The following ANKFY1 variants were observed in gnomAD, a reference collection of about 807,000 sequenced individuals.
The protein encoded by ANKFY1 is ankyrin repeat and FYVE domain-containing protein 1.
Under a neutral mutation model 128.3 loss-of-function variants are expected in ANKFY1, and 47 were observed. The ratio of observed to expected loss-of-function variants is 0.37; its 90% CI spans 0.29 to 0.47. The LOEUF (loss-of-function observed/expected upper bound fraction) is 0.47. ANKFY1 is among the 20% of genes least tolerant of loss of function. The pLI, the probability that ANKFY1 is intolerant of heterozygous loss-of-function variation, is 1.00. For synonymous variants in ANKFY1, 553 were observed against 601.6 expected (o/e 0.92, Z 1.18); for missense variants, 1,222 against 1,510.6 (o/e 0.81, Z 3.17).
chr17:4,180,916 GGGTCCTGCA>G (rs1268060052), intron 16 of ANKFY1: 1 of 217,200 alleles, frequency 4.6e-6, no homozygotes, highest in African/African-American at 2.2e-5. Flanking sequence ...CATCGTGGTG[GGGTCCTGCA>G]GAGACCATCT....
chr17:4,242,012 C>A (rs1297757931), intron 2 of ANKFY1, among the ~76,000 whole-genome samples: 2 of 151,458 alleles, frequency 1.3e-5, no homozygotes, highest in African/African-American at 2.4e-5. Context: ...TCACTTGAAC[C>A]TGGGAAGCAG....
In ANKFY1 at chr17:4,182,272, C is replaced by T. The variant is rs201910860; in HGVS notation, c.2030G>A (p.Arg677Gln). 809 of 1,596,328 alleles carry T rather than the reference C, an allele frequency of 5.1e-4. 1 individual carries two copies. The highest frequency in any genetic ancestry group is 6.2e-4 in the Non-Finnish European group (725 of 1,170,890). ...LPLVVDAICT[R>Q]GADMSVPDEK... ...ATCTGGCACAGACATGTCAGCTCCT[C>T]GGGTGCATATGGCATCAACTACGAG... is the stretch of plus-strand genomic sequence containing the variant. The change falls in exon 15 of 25, where the codon CGA becomes CAA. Residue 677 changes from arginine (R) to glutamine (Q), a missense_variant. Arg to Gln is a conservative substitution (Grantham distance 43). Transcript: ENST00000341657.
intron 14 of ANKFY1, among the ~76,000 whole-genome samples, chr17:4,183,165 G>T (rs2059546303): frequency 6.6e-6 from 1 of 152,174 alleles, no homozygotes; most frequent in Non-Finnish European, 1.5e-5. Context: ...GCAATACTAT[G>T]CACTGGTCCT....
intron 4 of ANKFY1, among the ~76,000 whole-genome samples, chr17:4,210,211 C>T (rs1371061766): frequency 6.6e-6 from 1 of 152,158 alleles, no homozygotes; most frequent in East Asian, 1.9e-4. Context: ...ACCCCAACTG[C>T]CTTAACAGCA....
Position 4,237,514 on chromosome 17 carries a change from T to C in ANKFY1, c.204-1624A>G, listed in dbSNP as rs544977357. Reference sequence around the variant, plus strand: ...ATAATTTTTAAATTCTATATATATTTATAAAGTATTACATCCTAATAACTT... The same window carrying C: ...ATAATTTTTAAATTCTATATATATTCATAAAGTATTACATCCTAATAACTT... On this transcript the variant is annotated intron_variant, in intron 2 of 24. Coordinates refer to ENST00000341657, the MANE Select transcript of ANKFY1 (RefSeq NM_001330063.2). Among the ~76,000 whole-genome samples the C allele has an allele frequency of 4.6e-5, 7 of 152,304 alleles. 1 individual carries two copies. In the South Asian group the frequency reaches 1.5e-3, roughly 32 times the overall value.
chr17:4,237,864 T>C (rs959138376), intron 2 of ANKFY1, among the ~76,000 whole-genome samples: 5 of 152,182 alleles, frequency 3.3e-5, no homozygotes, highest in Admixed American at 6.5e-5. Flanking sequence ...TTTTAAAACA[T>C]GGAAACCAGA....
At chr17:4,252,919 G>A (rs935410234) in intron 1 of ANKFY1, among the ~76,000 whole-genome samples, 7 of 152,168 alleles carry the variant, frequency 4.6e-5, no homozygotes, top group African/African-American at 1.2e-4. Context: ...AATATGCTAC[G>A]TGAAAGGAGC....
intron 1 of ANKFY1, among the ~76,000 whole-genome samples, chr17:4,254,160 C>T (rs980905111): frequency 1.3e-5 from 2 of 151,794 alleles, no homozygotes; most frequent in East Asian, 3.9e-4. Flanking sequence ...AAAAATTAGC[C>T]AGGTGTGGTG....
intron 10 of ANKFY1, 140 bp downstream of exon 10, chr17:4,194,838 A>G: frequency 1.3e-6 from 1 of 775,632 alleles, no homozygotes; most frequent in Admixed American, 2.8e-5. Flanking sequence ...CCAGGCTTTT[A>G]CTGTATATAA....
At chr17:4,242,065 G>C (rs1967261277) in intron 2 of ANKFY1, among the ~76,000 whole-genome samples, 191 bp downstream of exon 2, 1 of 146,672 alleles carries the variant, frequency 6.8e-6, no homozygotes, top group African/African-American at 2.5e-5. Flanking sequence ...CTCCAGCCTG[G>C]GTAACAGAGC....
At chr17:4,182,101 C>T in intron 15 of ANKFY1, 80 bp downstream of exon 15, 2 of 1,306,470 alleles carry the variant, frequency 1.5e-6, no homozygotes, top group Non-Finnish European at 2.0e-6. Flanking sequence ...GCTCCTGTGA[C>T]AGCTACGCAG....
At chr17:4,251,830 T>A (rs1004079971) in intron 1 of ANKFY1, among the ~76,000 whole-genome samples, 13 of 151,542 alleles carry the variant, frequency 8.6e-5, no homozygotes, top group African/African-American at 3.1e-4. Context: ...AGGTCAGGAG[T>A]TTGAGACCAG....
intron 12 of ANKFY1, among the ~76,000 whole-genome samples, chr17:4,184,372 T>A (rs966768221): frequency 6.6e-5 from 10 of 151,988 alleles, no homozygotes; most frequent in African/African-American, 2.4e-4. Context: ...AAAATAAACC[T>A]CAGGACAGGC....
At position 4,235,573 on chromosome 17, in the gene ANKFY1, C is replaced by A. The variant is rs76001887; in HGVS notation, c.322+199G>T. On this transcript the variant is annotated intron_variant, in intron 3 of 24. Coordinates refer to ENST00000341657, the MANE Select transcript of ANKFY1 (RefSeq NM_001330063.2). ...ACGATTTGTTAGCCAGGTATTACCT[C>A]CTAAATAGGTAGGTACACAAAGTAC... Among the ~76,000 whole-genome samples, 8,024 of 152,176 alleles carry A rather than the reference C, an allele frequency of 0.053. 463 individuals are homozygous for A. The highest frequency in any genetic ancestry group is 0.14 in the African/African-American group (5,927 of 41,470).
chr17:4,213,252 T>C (rs973535960), intron 4 of ANKFY1, among the ~76,000 whole-genome samples: 17 of 149,434 alleles, frequency 1.1e-4, no homozygotes, highest in Middle Eastern at 3.8e-3. Context: ...TGCAGTGGCA[T>C]GATCTCGGCT....
At chr17:4,179,222 G>A (rs1160099424) in intron 17 of ANKFY1, 165 bp from the exon 18 acceptor site, 2 of 724,138 alleles carry the variant, frequency 2.8e-6, no homozygotes, top group African/African-American at 3.5e-5. Flanking sequence ...ATGACTAAAT[G>A]TCACTTCCTG....
At chr17:4,182,547 C>G (rs1345641767) in intron 14 of ANKFY1, among the ~76,000 whole-genome samples, 198 bp from the exon 15 acceptor site, 1 of 152,180 alleles carries the variant, frequency 6.6e-6, no homozygotes, top group East Asian at 1.9e-4. Flanking sequence ...AACCATGTCA[C>G]CTTATTGCCC....
At position 4,235,813 on chromosome 17, in the gene ANKFY1, C is replaced by G; in HGVS notation, c.281G>C (p.Ser94Thr). Residue 94 changes from serine (S) to threonine (T), a missense_variant, in exon 3 of 25, where the codon AGT becomes ACT. Physicochemically the swap from Ser to Thr is moderately conservative, Grantham distance 58 (BLOSUM62 1). Coordinates refer to ENST00000341657, the MANE Select transcript of ANKFY1 (RefSeq NM_001330063.2). ...FVLAARSDSWSLANLSSTKEL... is the reference protein window; with the variant it reads ...FVLAARSDSWTLANLSSTKEL... ...TTTAGTGGAAGACAAGTTAGCCAGA[C>G]TCCAGCTGTCACTGCGGGCTGCCAG... The G allele has an allele frequency of 6.2e-7, 1 of 1,614,216 alleles. No homozygotes were observed. Among genetic ancestry groups the G allele is most frequent in the Non-Finnish European group, 8.5e-7 (1 of 1,180,046 alleles).
In ANKFY1 at chr17:4,169,377, G is replaced by A. The variant is rs565984977; in HGVS notation, c.3287-89C>T. ...TTGGAGGCAGCAGGAACACAGACCCGTAAGTGAGGCAGCGCTGCCACATGA... is the reference window on the plus strand; with the variant it reads ...TTGGAGGCAGCAGGAACACAGACCCATAAGTGAGGCAGCGCTGCCACATGA... On this transcript the variant is annotated intron_variant, in intron 23 of 24. Coordinates refer to ENST00000341657, the MANE Select transcript of ANKFY1 (RefSeq NM_001330063.2). The surrounding 1 kb of genome is among the most constrained non-coding windows in gnomAD (Gnocchi z 5.0). 43 of 979,202 alleles carry A rather than the reference G, an allele frequency of 4.4e-5. No homozygotes were observed. The highest frequency in any genetic ancestry group is 1.1e-4 in the East Asian group (4 of 37,754). 60.7% of individuals were successfully genotyped at this position (979,202 alleles called of 1,614,324 possible).
Sources: allele counts gnomAD v4.1 joint callset (sites outside exome capture counted in the v4.1 genomes callset), GRCh38; gene constraint gnomAD v4.1.1; non-coding constraint Gnocchi (gnomAD v3.1); transcripts MANE v1.5; gene names NCBI Gene and HGNC (gene_info 2026-07-23, HGNC 2026-07-21).